TRIM37: variants seen among roughly 807,000 people sequenced by gnomAD.
TRIM37 encodes E3 ubiquitin-protein ligase TRIM37.
TRIM37 carries 80 observed loss-of-function variants against 129.8 expected under a neutral mutation model. That is an observed-to-expected ratio of 0.62 (90% CI 0.51 to 0.74). The LOEUF (loss-of-function observed/expected upper bound fraction) is 0.74, where lower values mean the gene tolerates loss of function less well. Among genes scored for constraint, TRIM37 ranks in the 30% least tolerant of loss-of-function variants. The probability of loss-of-function intolerance (pLI) is 0.00; values close to 1 mark genes in which losing one functional copy is unlikely to be tolerated. For synonymous variants in TRIM37, 389 were observed against 387.1 expected, an observed-to-expected ratio of 1.00 and a Z score of -0.06; for missense variants, 1,054 against 1,176.5, an observed-to-expected ratio of 0.90 and a Z score of 1.52.
chr17:59,051,696 C>T (rs1047852154), intron 13 of TRIM37, among the ~76,000 whole-genome samples: 1 of 152,000 alleles, frequency 6.6e-6, no homozygotes, highest in African/African-American at 2.4e-5. Context: ...TAACTCTTAT[C>T]CCTTTCTTCC....
intron 9 of TRIM37, among the ~76,000 whole-genome samples, chr17:59,065,368 C>T (rs2146603882): frequency 6.6e-6 from 1 of 152,296 alleles, no homozygotes; most frequent in Middle Eastern, 3.4e-3. Context: ...TAAATCTACA[C>T]ATTTTTATAG....
rs1468191938 is a variant in TRIM37, at chr17:59,012,393, T to C, written c.2630A>G (p.Asn877Ser). Residue 877 changes from asparagine (N) to serine (S), a missense_variant, in exon 22 of 24, where the codon AAT becomes AGT. Coordinates refer to ENST00000262294, the MANE Select transcript of TRIM37 (RefSeq NM_015294.6). ...LEGLQMTDLE[N>S]NSETGELQPV... ...CTGTAACTCTCCAGTTTCAGAATTATTTTCCAAATCAGTCATCTGCAGTCC... is the reference window on the plus strand; with the variant it reads ...CTGTAACTCTCCAGTTTCAGAATTACTTTCCAAATCAGTCATCTGCAGTCC... The C allele has an allele frequency of 2.5e-6, 4 of 1,612,834 alleles. No individual in the cohort carries two copies. In the Admixed American group the frequency reaches 5.0e-5, roughly 20 times the overall value.
chr17:58,996,399 G>A (rs1188383513), downstream of TRIM37, among the ~76,000 whole-genome samples: 1 of 151,562 alleles, frequency 6.6e-6, no homozygotes, highest in Non-Finnish European at 1.5e-5. Flanking sequence ...GAATCAGGGA[G>A]GCAGAGGTTG....
At chr17:59,092,046 A>C (rs1465696776) in intron 2 of TRIM37, among the ~76,000 whole-genome samples, 1 of 151,872 alleles carries the variant, frequency 6.6e-6, no homozygotes, top group Non-Finnish European at 1.5e-5. Flanking sequence ...TAGACATGTA[A>C]ATTAAACCGA....
At chr17:59,079,972 AAGGT>A in intron 6 of TRIM37, 95 bp from the exon 7 acceptor site, 11 of 1,418,530 alleles carry the variant, frequency 7.8e-6, no homozygotes, top group Non-Finnish European at 1.1e-5. Flanking sequence ...TAATATGAAA[AAGGT>A]AGTTAGAGGA....
At chr17:59,016,378 G>A (rs1473006837) in intron 20 of TRIM37, among the ~76,000 whole-genome samples, 2 of 128,830 alleles carry the variant, frequency 1.6e-5, no homozygotes, top group Non-Finnish European at 3.2e-5. Context: ...TGGGCAACTA[G>A]AGGAAAAAAC....
At chr17:59,084,569 G>A (rs1254223069) in intron 4 of TRIM37, among the ~76,000 whole-genome samples, 1 of 152,122 alleles carries the variant, frequency 6.6e-6, no homozygotes. Context: ...AATTTTAAAT[G>A]TTCTTTTAAA....
intron 21 of TRIM37, among the ~76,000 whole-genome samples, chr17:59,014,878 A>C (rs966678610): frequency 6.6e-6 from 1 of 151,294 alleles, no homozygotes; most frequent in African/African-American, 2.4e-5. Context: ...ATCTCTTGAG[A>C]CCATGGTGAA....
chr17:59,005,974 A>C (rs1335990874), intron 22 of TRIM37, among the ~76,000 whole-genome samples: 1 of 152,210 alleles, frequency 6.6e-6, no homozygotes, highest in Non-Finnish European at 1.5e-5. Context: ...CAGTATTTCC[A>C]GTTTTTACTT....
At position 58,999,010 on chromosome 17, in the gene TRIM37, ACCAATGCCGGGCGGG is replaced by A; in HGVS notation, c.*352_*366del. The A allele has an allele frequency of 3.6e-6, 4 of 1,123,366 alleles. No homozygotes were observed. The highest frequency in any genetic ancestry group is 2.2e-6 in the Non-Finnish European group (2 of 911,806). The allele number at this position is 1,123,366 out of a possible 1,614,324, so 69.6% of individuals were successfully genotyped here. On this transcript the variant is annotated 3_prime_UTR_variant, in exon 24 of 24. Coordinates refer to ENST00000262294, the MANE Select transcript of TRIM37 (RefSeq NM_015294.6). Reference sequence around the variant, plus strand: ...AAGCTCTAGCCAAAGACAGTAGAGCACCAATGCCGGGCGGGTTACTGACGGCATGCAGGGCCTGGA... The same window carrying A: ...AAGCTCTAGCCAAAGACAGTAGAGCATTACTGACGGCATGCAGGGCCTGGA...
intron 17 of TRIM37, among the ~76,000 whole-genome samples, chr17:59,032,907 A>G (rs1485817626): frequency 2.0e-5 from 3 of 152,150 alleles, no homozygotes; most frequent in Non-Finnish European, 4.4e-5. Flanking sequence ...GTACAATTTG[A>G]AGTTTTTGGA....
At position 59,049,276 on chromosome 17, in the gene TRIM37, A is replaced by T. The variant is rs756950196; in HGVS notation, c.1432T>A (p.Ser478Thr). The change falls in exon 15 of 24, where the codon TCT (serine) becomes ACT (threonine). Residue 478 changes from serine to threonine, a missense_variant. Around this residue, in one of 3 missense-constraint regions of TRIM37, gnomAD observed 752 missense variants for 870.8 expected, o/e 0.86. Transcript: ENST00000262294. ...LETRAKKSAC[S>T]DMLLEGGPTT... ...GGACCACCTTCGAGAAGCATGTCAGAGCATGCAGACTTCTTAGCTCGTGTC... is the reference window on the plus strand; with the variant it reads ...GGACCACCTTCGAGAAGCATGTCAGTGCATGCAGACTTCTTAGCTCGTGTC... 2.5e-6 allele frequency: 4 copies of T among 1,614,032 alleles called. No homozygotes were observed. The highest frequency in any genetic ancestry group is 3.4e-6 in the Non-Finnish European group (4 of 1,180,036).
intron 2 of TRIM37, among the ~76,000 whole-genome samples, chr17:59,093,319 C>G (rs2044565702): frequency 6.6e-6 from 1 of 152,122 alleles, no homozygotes; most frequent in Admixed American, 6.6e-5. Flanking sequence ...AAAGTCACAG[C>G]TCCTCTCCAG....
rs559640194 is a variant in TRIM37, at chr17:59,004,090, C to A, written c.2696-2376G>T. Among the ~76,000 whole-genome samples the A allele has an allele frequency of 3.5e-3, 534 of 151,942 alleles. 4 individuals are homozygous for A. Among genetic ancestry groups the A allele is most frequent in the African/African-American group, 0.012 (493 of 41,406 alleles). On this transcript the variant is annotated intron_variant, in intron 22 of 23. Coordinates refer to ENST00000262294, the MANE Select transcript of TRIM37 (RefSeq NM_015294.6). ...TACCACTGTACTCCAGCCTAGGTAA[C>A]AGAACACAAGACCCTGAGGGACAGA...
chr17:59,024,773 C>T (rs531410681), intron 19 of TRIM37, among the ~76,000 whole-genome samples: 1 of 152,372 alleles, frequency 6.6e-6, no homozygotes, highest in East Asian at 1.9e-4. Flanking sequence ...CATCCTCCCT[C>T]ATCAGCATCC....
At chr17:59,017,092 C>T (rs74913382) in intron 20 of TRIM37, among the ~76,000 whole-genome samples, 5 of 151,954 alleles carry the variant, frequency 3.3e-5, no homozygotes, top group Non-Finnish European at 5.9e-5. Context: ...CTTAAACCAC[C>T]GGTCGAGGCC....
chr17:58,978,230 C>A (rs2031139579), downstream of TRIM37, among the ~76,000 whole-genome samples: 1 of 152,196 alleles, frequency 6.6e-6, no homozygotes, highest in Admixed American at 6.5e-5. Flanking sequence ...CCCAGGCAGT[C>A]TGACACTAGT....
rs1010539175 is a variant in TRIM37 at position 59,017,351 on chromosome 17, T to C, written c.2331A>G (p.Ala777=). The change falls in exon 20 of 24, where the codon GCA becomes GCG. Residue 777 remains alanine (A), a synonymous_variant. Coordinates refer to ENST00000262294, the MANE Select transcript of TRIM37 (RefSeq NM_015294.6). ...AACGACTATTTTCTCCAGGGTCCAC[T>C]GCTCTTCGAAGTGATAGACTACCTG... ...SVAGSLSLRR[A]VDPGENSRSK... The C allele has an allele frequency of 9.3e-6, 15 of 1,614,086 alleles. No individual in the cohort carries two copies. Among genetic ancestry groups the C allele is most frequent in the African/African-American group, 1.3e-5 (1 of 74,942 alleles).
chr17:59,032,099 G>C lies in TRIM37; in HGVS notation c.1754-9C>G, dbSNP rs1445581675. On this transcript the variant is annotated splice_polypyrimidine_tract_variant and intron_variant, in intron 17 of 23. Coordinates refer to ENST00000262294, the MANE Select transcript of TRIM37 (RefSeq NM_015294.6). ...ATAACCATGGCTACTACCTGCAAAA[G>C]AGGCGTAGAAAATGATATATATATG... 4 of 1,613,000 alleles carry C rather than the reference G, an allele frequency of 2.5e-6. No homozygotes were observed. In the East Asian group the frequency reaches 8.9e-5, roughly 36 times the overall value.
Sources: allele counts gnomAD v4.1 joint callset (sites outside exome capture counted in the v4.1 genomes callset), GRCh38; gene constraint gnomAD v4.1.1; regional missense constraint gnomAD v4.1.1; transcripts MANE v1.5; gene names NCBI Gene and HGNC (gene_info 2026-07-23, HGNC 2026-07-21).